The following NOL6 variants were observed in gnomAD, a reference collection of about 807,000 sequenced individuals.
NOL6 encodes the protein nucleolar protein 6, also known as nucleolar RNA-associated protein.
In NOL6, 33 loss-of-function variants were observed where a neutral mutation model predicts 131.7. The observed-to-expected ratio is 0.25, with a 90% confidence interval of 0.19 to 0.33. The LOEUF (loss-of-function observed/expected upper bound fraction) is 0.33, where lower values mean the gene tolerates loss of function less well. Ranked by LOEUF, NOL6 falls within the 10% of genes least tolerant of loss-of-function variation. The pLI is 1.00. For missense variants in NOL6, 1,297 were observed against 1,494.5 expected, an observed-to-expected ratio of 0.87 and a Z score of 2.18; for synonymous variants, 580 against 605.7, an observed-to-expected ratio of 0.96 and a Z score of 0.62.
Position 33,473,903 on chromosome 9 carries a change from T to C in NOL6, c.-61A>G. ...CTAGCCGGGTCTATACCTCATAGCT[T>C]CCCACGTGGGCGGAAATGCCTAACT... On this transcript the variant is annotated 5_prime_UTR_variant, in exon 1 of 26. Coordinates refer to ENST00000297990, the MANE Select transcript of NOL6 (RefSeq NM_022917.5). The C allele has an allele frequency of 6.3e-7, 1 of 1,585,768 alleles. No individual in the cohort carries two copies. Among genetic ancestry groups the C allele is most frequent in the Non-Finnish European group, 8.6e-7 (1 of 1,165,758 alleles).
At chr9:33,462,889 G>A (rs1054372630) in intron 25 of NOL6, 76 bp from the exon 26 acceptor site, 17 of 1,584,882 alleles carry the variant, frequency 1.1e-5, no homozygotes, top group Middle Eastern at 1.7e-4. Flanking sequence ...GGTACAGAGT[G>A]GGGGTGGTGG....
rs146204657 is a variant in NOL6, at chr9:33,466,168, C to T, written c.2267G>A (p.Arg756Gln). The T allele has an allele frequency of 8.1e-6, 13 of 1,613,106 alleles. No homozygotes were observed. The highest frequency in any genetic ancestry group is 2.7e-5 in the African/African-American group (2 of 74,932). ...GCGCAGCTGGAAGGCAGCTCGGACC[C>T]GCTGCACGGCCTCAGCGTCCTGTGG... ...QWPQDAEAVQ[R>Q]VRAAFQLRLA... Residue 756 changes from arginine to glutamine, a missense_variant, in exon 18 of 26, where the codon CGG (arginine) becomes CAG (glutamine). Physicochemically the swap from Arg to Gln is conservative, Grantham distance 43. Transcript: ENST00000297990.
In NOL6 at chr9:33,470,174, C is replaced by G. The variant is rs778681841; in HGVS notation, c.396G>C (p.Trp132Cys). ...VPETELTDQA[W>C]LPAGVRVPLH... Reference sequence around the variant, plus strand: ...GGGGCACTCGAACCCCAGCTGGGAGCCATGCCTGGTCAGTGAGCTGTGGGG... The same window carrying G: ...GGGGCACTCGAACCCCAGCTGGGAGGCATGCCTGGTCAGTGAGCTGTGGGG... Residue 132 changes from tryptophan (W) to cysteine (C), a missense_variant, in exon 4 of 26, where the codon TGG becomes TGC. Coordinates refer to ENST00000297990, the MANE Select transcript of NOL6 (RefSeq NM_022917.5). 10 of 1,589,020 alleles carry G rather than the reference C, an allele frequency of 6.3e-6. No individual in the cohort carries two copies. The Admixed American group carries it at 1.7e-4, about 27-fold the overall frequency.
chr9:33,462,469 C>T lies in NOL6; in HGVS notation c.*195G>A, dbSNP rs1827118310. On this transcript the variant is annotated 3_prime_UTR_variant, in exon 26 of 26. Transcript: ENST00000297990. ...AGGCCCAGGAGACTACATGGGCCAC[C>T]ATGCCCCTGCCCCAATGCTGGAGCA... 1 of 648,800 alleles carries T rather than the reference C, an allele frequency of 1.5e-6. No individual in the cohort carries two copies. 40.2% of individuals were successfully genotyped at this position (648,800 alleles called of 1,614,324 possible).
At chr9:33,464,719 A>T (rs1171098015) in intron 21 of NOL6, among the ~76,000 whole-genome samples, 160 bp downstream of exon 21, 2 of 152,194 alleles carry the variant, frequency 1.3e-5, no homozygotes, top group Non-Finnish European at 2.9e-5. Context: ...AAACCATGTC[A>T]TAATGGTCAG....
In NOL6 at chr9:33,472,004, C is replaced by T. The variant is rs1228410360; in HGVS notation, c.378G>A (p.Glu126=). 6.2e-7 allele frequency: 1 copy of T among 1,609,922 alleles called. No individual in the cohort carries two copies. Among genetic ancestry groups the T allele is most frequent in the African/African-American group, 1.3e-5 (1 of 74,800 alleles). The change falls in exon 3 of 26, where the codon GAG becomes GAA. Residue 126 remains glutamate, a splice_region_variant and synonymous_variant. Transcript: ENST00000297990. ...CCAGTTCCCCAGGCCACTTGCTTACCTCTGTCTCAGGGACTGAGGGCACCC... is the reference window on the plus strand; with the variant it reads ...CCAGTTCCCCAGGCCACTTGCTTACTTCTGTCTCAGGGACTGAGGGCACCC... ...VVRVPSVPET[E]LTDQAWLPAG...
chr9:33,472,181 A>G (rs1292200470), intron 2 of NOL6, 25 bp downstream of exon 2: 17 of 1,613,852 alleles, frequency 1.1e-5, no homozygotes, highest in Non-Finnish European at 1.4e-5. Context: ...CACCTCGAAC[A>G]AAAGCTGCAG....
Position 33,472,238 on chromosome 9 carries a change from T to G in NOL6, c.229A>C (p.Ile77Leu), listed in dbSNP as rs754485725. Reference sequence around the variant, plus strand: ...CGAAGCAAGCTGGAGTGGAACAAGATCTCAGTCTCCCGAAGGCGATTAAGC... The same window carrying G: ...CGAAGCAAGCTGGAGTGGAACAAGAGCTCAGTCTCCCGAAGGCGATTAAGC... ...EELNRLRETE[I>L]LFHSSLLRLQ... The change falls in exon 2 of 26, where the codon ATC becomes CTC. Residue 77 changes from isoleucine to leucine, a missense_variant. Ile to Leu is a conservative substitution (Grantham distance 5). Transcript: ENST00000297990. The G allele has an allele frequency of 6.2e-7, 1 of 1,614,166 alleles. No individual in the cohort carries two copies. Among genetic ancestry groups the G allele is most frequent in the Admixed American group, 1.7e-5 (1 of 60,020 alleles).
chr9:33,469,713 G>A (rs764321368), intron 4 of NOL6, 46 bp from the exon 5 acceptor site: 3 of 1,583,794 alleles, frequency 1.9e-6, no homozygotes, highest in South Asian at 1.2e-5. Context: ...ATAAGTGCTT[G>A]TGGAGCTGTG....
At chr9:33,466,789 A>T (rs1827256674) in intron 15 of NOL6, 80 bp from the exon 16 acceptor site, 3 of 1,583,426 alleles carry the variant, frequency 1.9e-6, no homozygotes, top group Non-Finnish European at 2.6e-6. Flanking sequence ...CTCAGGCTGC[A>T]GCAGAGCCAG....
chr9:33,463,041 G>A lies in NOL6; in HGVS notation c.3283C>T (p.Pro1095Ser). ...GTCACCAGCCAGCACACCTTGAAGG[G>A]CTGCGGCTGGAAGCTGGTGGGCTTC... is the stretch of plus-strand genomic sequence containing the variant. ...LWKPTSFQPQ[P>S]FKASSTKGRM... Residue 1095 changes from proline to serine, a missense_variant, in exon 25 of 26, where the codon CCC becomes TCC. Transcript: ENST00000297990. 6.2e-7 allele frequency: 1 copy of A among 1,613,212 alleles called. No homozygotes were observed.
chr9:33,468,052 G>T lies in NOL6; in HGVS notation c.1402C>A (p.Arg468=). 2.5e-6 allele frequency: 4 copies of T among 1,614,106 alleles called. No homozygotes were observed. Among genetic ancestry groups the T allele is most frequent in the Non-Finnish European group, 2.5e-6 (3 of 1,180,034 alleles). The change falls in exon 11 of 26, where the codon CGG becomes AGG. Residue 468 remains arginine (R), a synonymous_variant. Coordinates refer to ENST00000297990, the MANE Select transcript of NOL6 (RefSeq NM_022917.5). Reference sequence around the variant, plus strand: ...CACTGCAGGACATGGTCAAAAGCCCGGATCATGGGTTTGGGAGTCATCAAC... The same window carrying T: ...CACTGCAGGACATGGTCAAAAGCCCTGATCATGGGTTTGGGAGTCATCAAC... ...LLLMTPKPMI[R]AFDHVLHLRP...
chr9:33,462,070 A>G lies in NOL6; in HGVS notation c.*594T>C, dbSNP rs769824303. 1 of 705,472 alleles carries G rather than the reference A, an allele frequency of 1.4e-6. No individual in the cohort carries two copies. Among genetic ancestry groups the G allele is most frequent in the Non-Finnish European group, 2.7e-6 (1 of 376,498 alleles). 43.7% of individuals were successfully genotyped at this position (705,472 alleles called of 1,614,324 possible). A position where few individuals can be genotyped will look rare whatever the true frequency, so the allele number is the denominator to read the frequency against. Reference sequence around the variant, plus strand: ...CCTTTCCTGTCCTCGGTTCTTTTCCACTGTCTCCACCCTGGGAAGTGGCAT... The same window carrying G: ...CCTTTCCTGTCCTCGGTTCTTTTCCGCTGTCTCCACCCTGGGAAGTGGCAT... On this transcript the variant is annotated 3_prime_UTR_variant, in exon 26 of 26. Coordinates refer to ENST00000297990, the MANE Select transcript of NOL6 (RefSeq NM_022917.5).
In NOL6 at chr9:33,468,137, A is replaced by C; in HGVS notation, c.1317T>G (p.His439Gln). The C allele has an allele frequency of 1.2e-6, 2 of 1,614,196 alleles. No homozygotes were observed. Among genetic ancestry groups the C allele is most frequent in the Non-Finnish European group, 1.7e-6 (2 of 1,180,046 alleles). ...GCAACATCATAGACAGCCGTGCCTC[A>C]TGCTGTACCTGGAGCCACAGAAGGG... ...VTASTYHQVQ[H>Q]EARLSMMLLD... is the part of the protein sequence containing the mutation. The change falls in exon 11 of 26, where the codon CAT (histidine) becomes CAG (glutamine). Residue 439 changes from histidine to glutamine, a missense_variant. His to Gln is a conservative substitution (Grantham distance 24, BLOSUM62 0). Transcript: ENST00000297990.
chr9:33,464,745 C>CTCT, intron 21 of NOL6, 134 bp downstream of exon 21: 1 of 653,848 alleles, frequency 1.5e-6, no homozygotes, highest in Non-Finnish European at 2.7e-6. Flanking sequence ...TCACCTGGAC[C>CTCT]TCTTCTTCAT....
rs761180541 is a variant in NOL6 at position 33,463,844 on chromosome 9, G to C, written c.2981C>G (p.Pro994Arg). 37 of 1,613,994 alleles carry C rather than the reference G, an allele frequency of 2.3e-5. 1 individual carries two copies. The Admixed American group carries it at 6.2e-4, about 27-fold the overall frequency. The change falls in exon 23 of 26, where the codon CCT (proline) becomes CGT (arginine). Residue 994 changes from proline (P) to arginine (R), a missense_variant. Coordinates refer to ENST00000297990, the MANE Select transcript of NOL6 (RefSeq NM_022917.5). ...TCAGAAGCTTACCCTGATGTCCCCA[G>C]GTCCCCGGGGATCCATGAGCTGCTT... is the stretch of plus-strand genomic sequence containing the variant. ...LEKQLMDPRG[P>R]GDIRTVFRPP...
At chr9:33,469,843 G>A in intron 4 of NOL6, 169 bp downstream of exon 4, 1 of 1,015,134 alleles carries the variant, frequency 9.9e-7, no homozygotes, top group Admixed American at 3.0e-5. Context: ...CAAAAGGACA[G>A]CAACTGGCCC....
In NOL6 at chr9:33,466,852, G is replaced by A. The variant is rs532341585; in HGVS notation, c.1950+60C>T. 3 of 1,583,800 alleles carry A rather than the reference G, an allele frequency of 1.9e-6. No individual in the cohort carries two copies. The South Asian group carries it at 3.4e-5, about 18-fold the overall frequency. ...AGTGCAAGCTGGCCAAGGCTGAGAG[G>A]ACTCTCTCCCCGCAGATTGATTACT... On this transcript the variant is annotated intron_variant, in intron 15 of 25. Coordinates refer to ENST00000297990, the MANE Select transcript of NOL6 (RefSeq NM_022917.5).
In NOL6 at chr9:33,470,017, G is replaced by A. The variant is rs1000672183; in HGVS notation, c.553C>T (p.Pro185Ser). The A allele has an allele frequency of 6.3e-7, 1 of 1,588,354 alleles. No individual in the cohort carries two copies. Among genetic ancestry groups the A allele is most frequent in the Non-Finnish European group, 8.6e-7 (1 of 1,162,572 alleles). The change falls in exon 4 of 26, where the codon CCC (proline) becomes TCC (serine). Residue 185 changes from proline (P) to serine (S), a missense_variant. Pro to Ser is a moderately conservative substitution (Grantham distance 74). Coordinates refer to ENST00000297990, the MANE Select transcript of NOL6 (RefSeq NM_022917.5). ...DINVDVALTMPREILQDKDGL... is the reference protein window; with the variant it reads ...DINVDVALTMSREILQDKDGL... ...CCCTAAACCCTGGACCTTACCCTGG[G>A]CATGGTCAGTGCCACATCCACATTG... is the stretch of plus-strand genomic sequence containing the variant.
Sources: gnomAD v4.1 joint callset for allele counts (sites outside exome capture counted in the v4.1 genomes callset) on GRCh38, gnomAD v4.1.1 for gene constraint, MANE v1.5 for transcripts, NCBI Gene and HGNC (gene_info 2026-07-23, HGNC 2026-07-21) for gene names.